EYS: variants seen among roughly 807,000 people sequenced by gnomAD.
EYS encodes EGF-like photoreceptor maintenance factor, also known as protein eyes shut homolog.
In EYS, 250 loss-of-function variants were observed where a neutral mutation model predicts 282.1. That is an observed-to-expected ratio of 0.89 (90% confidence interval 0.80 to 0.98). The LOEUF is 0.98. Among genes scored for constraint, EYS ranks in the 50% least tolerant of loss-of-function variants. The probability of loss-of-function intolerance (pLI) is 0.00; values close to 1 mark genes in which losing one functional copy is unlikely to be tolerated. For synonymous variants in EYS, 1,355 were observed against 1,282.9 expected, an observed-to-expected ratio of 1.06 and a Z score of -1.20; for missense variants, 4,016 against 3,709.0, an observed-to-expected ratio of 1.08 and a Z score of -2.15.
chr6:64,007,782 T>A (rs1768420866), intron 33 of EYS, among the ~76,000 whole-genome samples: 1 of 152,216 alleles, frequency 6.6e-6, no homozygotes, highest in Non-Finnish European at 1.5e-5. Context: ...TTAATTTCCA[T>A]GTGATTGTAT....
chr6:65,480,154 A>C (rs2127253993), intron 5 of EYS, among the ~76,000 whole-genome samples: 1 of 152,142 alleles, frequency 6.6e-6, no homozygotes, highest in South Asian at 2.1e-4. Flanking sequence ...ACAGAGCAAA[A>C]CTCCATCTCA....
chr6:64,469,702 G>A (rs550564571), intron 26 of EYS, among the ~76,000 whole-genome samples: 2 of 151,986 alleles, frequency 1.3e-5, no homozygotes, highest in South Asian at 2.1e-4. Context: ...ACCGGGAAAG[G>A]GAGTCTCCCT....
chr6:65,617,498 A>G (rs1034156372), intron 2 of EYS, among the ~76,000 whole-genome samples: 2 of 152,038 alleles, frequency 1.3e-5, no homozygotes, highest in African/African-American at 4.8e-5. Flanking sequence ...CTGAATTAAA[A>G]TTATATAAAA....
Position 64,850,577 on chromosome 6 carries a change from G to T in EYS, c.2993-27755C>A, listed in dbSNP as rs897437704. 2.0e-5 allele frequency among the ~76,000 whole-genome samples: 3 copies of T among 152,012 alleles called. No individual in the cohort carries two copies. The East Asian group carries it at 5.8e-4, about 29-fold the overall frequency. On this transcript the variant is annotated intron_variant, in intron 19 of 42. Transcript: ENST00000503581. ...AGCAGGAGGAATTAAACAGCTAGAA[G>T]ACTGAAAATTATTCAAAAAGTGTTA...
chr6:64,740,113 C>A (rs548846568), intron 22 of EYS, among the ~76,000 whole-genome samples: 1 of 152,188 alleles, frequency 6.6e-6, no homozygotes, highest in Non-Finnish European at 1.5e-5. Context: ...TAGGAACTTT[C>A]TTCAAGCATT....
chr6:65,286,059 TA>T (rs1768353045), intron 12 of EYS, among the ~76,000 whole-genome samples: 1 of 151,826 alleles, frequency 6.6e-6, no homozygotes, highest in Non-Finnish European at 1.5e-5. Context: ...TACTATGCCT[TA>T]AAAAATCTAA....
intron 35 of EYS, among the ~76,000 whole-genome samples, chr6:63,937,153 G>C (rs929274535): frequency 2.0e-5 from 3 of 152,014 alleles, no homozygotes; most frequent in African/African-American, 7.3e-5. Flanking sequence ...ATTGTAGGAT[G>C]CAAATGGGAA....
intron 21 of EYS, among the ~76,000 whole-genome samples, chr6:64,815,556 T>G (rs1435697192): frequency 6.6e-6 from 1 of 152,106 alleles, no homozygotes; most frequent in Non-Finnish European, 1.5e-5. Context: ...CAAATTGTCA[T>G]TTAAAGTTCT....
In EYS at chr6:63,862,960, C is replaced by T. The variant is rs1772572251; in HGVS notation, c.7228+1226G>A. Among the ~76,000 whole-genome samples, 2 of 152,188 alleles carry T rather than the reference C, an allele frequency of 1.3e-5. 1 individual carries two copies. The highest frequency in any genetic ancestry group is 4.1e-4 in the South Asian group (2 of 4,832). On this transcript the variant is annotated intron_variant, in intron 36 of 42. Transcript: ENST00000503581. ...GACCCATGTATCCGAAACTTCAATA[C>T]CTTTTATTTACAAATGCTTCTTTTA... is the stretch of plus-strand genomic sequence containing the variant.
chr6:64,311,175 C>G (rs1421077848), intron 29 of EYS, among the ~76,000 whole-genome samples: 1 of 152,020 alleles, frequency 6.6e-6, no homozygotes, highest in Non-Finnish European at 1.5e-5. Flanking sequence ...GTTTTTAGAT[C>G]ATTTCTACTG....
chr6:64,902,126 C>A lies in EYS; in HGVS notation c.2833G>T (p.Asp945Tyr). Residue 945 changes from aspartate to tyrosine, a missense_variant, in exon 18 of 43, where the codon GAT (aspartate) becomes TAT (tyrosine). Transcript: ENST00000503581. ...GTAGCTTCTCACCTGTTTGTCAGAT[C>A]CACACATGTTCCATTATTTTTGCAA... ...EPCKNNGTCV[D>Y]LTNRFFCNCE... 6.5e-7 allele frequency: 1 copy of A among 1,542,832 alleles called. No individual in the cohort carries two copies. Among genetic ancestry groups the A allele is most frequent in the South Asian group, 1.2e-5 (1 of 81,700 alleles).
chr6:64,548,392 G>A (rs4321808), intron 26 of EYS, among the ~76,000 whole-genome samples: 1,906 of 152,204 alleles, frequency 0.013, 40 homozygotes, highest in African/African-American at 0.043. Flanking sequence ...TGTTTATTGC[G>A]GCACTATTCA....
At chr6:64,010,281 C>T (rs146585341) in intron 33 of EYS, among the ~76,000 whole-genome samples, 2 of 152,068 alleles carry the variant, frequency 1.3e-5, no homozygotes, top group East Asian at 1.9e-4. Context: ...ATGCGGTGCT[C>T]CTGCTCTGAC....
intron 26 of EYS, among the ~76,000 whole-genome samples, chr6:64,453,015 T>C (rs1232262279): frequency 1.3e-5 from 2 of 152,194 alleles, no homozygotes; most frequent in Non-Finnish European, 2.9e-5. Flanking sequence ...AAATGGGATC[T>C]AATTAAACTA....
intron 19 of EYS, among the ~76,000 whole-genome samples, chr6:64,827,739 A>G (rs1480171224): frequency 6.6e-6 from 1 of 151,894 alleles, no homozygotes; most frequent in Non-Finnish European, 1.5e-5. Context: ...AACGTTTCTT[A>G]TTATGAACAA....
intron 5 of EYS, among the ~76,000 whole-genome samples, chr6:65,439,394 G>C (rs1052696049): frequency 2.0e-5 from 3 of 152,186 alleles, no homozygotes; most frequent in Admixed American, 1.3e-4. Flanking sequence ...GAAACTCATT[G>C]GTAGCTTGAT....
At position 64,210,863 on chromosome 6, in the gene EYS, C is replaced by CA. The variant is rs901633361; in HGVS notation, c.6424+19728dup. Among the ~76,000 whole-genome samples the CA allele has an allele frequency of 1.1e-4, 16 of 152,118 alleles. No individual in the cohort carries two copies. In the East Asian group the frequency reaches 2.9e-3, roughly 28 times the overall value. ...CAACTGGCTGAGGGCCTGCGTATAA[C>CA]AAAAAAGCAGAAGAAGGGTGAATTC... On this transcript the variant is annotated intron_variant, in intron 31 of 42. Coordinates refer to ENST00000503581, the MANE Select transcript of EYS (RefSeq NM_001142800.2).
intron 12 of EYS, among the ~76,000 whole-genome samples, chr6:65,100,693 T>G (rs1774869640): frequency 6.6e-6 from 1 of 150,768 alleles, no homozygotes; most frequent in Admixed American, 6.6e-5. Context: ...GGTCATATGG[T>G]TGTTCAGAAA....
chr6:65,687,444 TG>T (rs1294541593), intron 1 of EYS, among the ~76,000 whole-genome samples: 2 of 152,180 alleles, frequency 1.3e-5, no homozygotes, highest in East Asian at 3.9e-4. Flanking sequence ...TTCCGCCTTT[TG>T]TAATAAATTA....
Sources: gnomAD v4.1 joint callset for allele counts (sites outside exome capture counted in the v4.1 genomes callset) on GRCh38, gnomAD v4.1.1 for gene constraint, MANE v1.5 for transcripts, NCBI Gene and HGNC (gene_info 2026-07-23, HGNC 2026-07-21) for gene names.